The following NRXN3 variants were observed in gnomAD, a reference collection of about 807,000 sequenced individuals.
NRXN3 encodes neurexin III.
Under a neutral mutation model 137.6 loss-of-function variants are expected in NRXN3, and 32 were observed. The observed-to-expected ratio is 0.23, with a 90% CI of 0.18 to 0.31. NRXN3 has a LOEUF of 0.31. Among genes scored for constraint, NRXN3 ranks in the 10% least tolerant of loss-of-function variants. NRXN3 has a pLI of 1.00. For missense variants in NRXN3, 1,574 were observed against 2,062.5 expected, an observed-to-expected ratio of 0.76 and a Z score of 4.59; for synonymous variants, 798 against 784.5, an observed-to-expected ratio of 1.02 and a Z score of -0.29.
chr14:79,412,782 CAAAAAAAAAAAAA>C (rs71103803), intron 15 of NRXN3, among the ~76,000 whole-genome samples: 1 of 59,736 alleles, frequency 1.7e-5, no homozygotes, highest in Non-Finnish European at 3.0e-5. Context: ...GACTCTGTCT[CAAAAAAAAAAAAA>C]AAAAAAAAAA....
chr14:78,965,590 C>T (rs1279409281), intron 11 of NRXN3, among the ~76,000 whole-genome samples: 1 of 152,132 alleles, frequency 6.6e-6, no homozygotes, highest in African/African-American at 2.4e-5. Context: ...TAATAGAATC[C>T]TTCCCACGAG....
At chr14:78,801,502 C>T (rs2098838797) in intron 8 of NRXN3, among the ~76,000 whole-genome samples, 1 of 152,144 alleles carries the variant, frequency 6.6e-6, no homozygotes, top group Non-Finnish European at 1.5e-5. Context: ...AACTGTCAAA[C>T]ACTTACAAAA....
chr14:79,181,071 T>C (rs1295753267), intron 15 of NRXN3, among the ~76,000 whole-genome samples: 1 of 151,084 alleles, frequency 6.6e-6, no homozygotes, highest in East Asian at 2.0e-4. Context: ...TATATATATA[T>C]ATATATATAT....
chr14:79,276,601 A>G (rs2080312169), intron 15 of NRXN3, among the ~76,000 whole-genome samples: 1 of 151,976 alleles, frequency 6.6e-6, no homozygotes. Flanking sequence ...TGCATTAAGG[A>G]TTTATTTTCT....
intron 16 of NRXN3, among the ~76,000 whole-genome samples, chr14:79,639,186 T>C (rs2098420274): frequency 6.6e-6 from 1 of 152,156 alleles, no homozygotes; most frequent in South Asian, 2.1e-4. Flanking sequence ...AAGACAAAAT[T>C]TAAAGAGATA....
intron 15 of NRXN3, among the ~76,000 whole-genome samples, chr14:79,331,740 C>T (rs1473090030): frequency 6.6e-6 from 1 of 152,118 alleles, no homozygotes; most frequent in East Asian, 1.9e-4. Context: ...CTTTATCTCT[C>T]ATCCTGTCTG....
intron 15 of NRXN3, among the ~76,000 whole-genome samples, chr14:79,345,691 C>A (rs1598954071): frequency 6.6e-6 from 1 of 152,094 alleles, no homozygotes; most frequent in African/African-American, 2.4e-5. Context: ...CCACATGAGA[C>A]TTGGTTGTTT....
intron 19 of NRXN3, among the ~76,000 whole-genome samples, chr14:79,773,478 G>C (rs2099086053): frequency 6.6e-6 from 1 of 151,972 alleles, no homozygotes; most frequent in Non-Finnish European, 1.5e-5. Context: ...GTCCTTTGTA[G>C]GCACATGGAT....
intron 15 of NRXN3, among the ~76,000 whole-genome samples, chr14:79,366,734 C>T (rs914304464): frequency 2.0e-5 from 3 of 152,098 alleles, no homozygotes; most frequent in African/African-American, 7.2e-5. Context: ...GTTTTTATGT[C>T]ATTATTCTCA....
chr14:78,566,667 C>T (rs1260229809), intron 4 of NRXN3, among the ~76,000 whole-genome samples: 2 of 152,216 alleles, frequency 1.3e-5, no homozygotes. Context: ...TTCCTCCTCC[C>T]TCTGGTTTCT....
chr14:79,459,862 G>A (rs2096305824), intron 15 of NRXN3, among the ~76,000 whole-genome samples: 1 of 152,010 alleles, frequency 6.6e-6, no homozygotes, highest in Non-Finnish European at 1.5e-5. Context: ...TTAAGCAAGA[G>A]GGAATTTGAG....
At chr14:79,340,946 G>A (rs976358463) in intron 15 of NRXN3, among the ~76,000 whole-genome samples, 1 of 152,098 alleles carries the variant, frequency 6.6e-6, no homozygotes, top group Non-Finnish European at 1.5e-5. Context: ...ACATTTCAGA[G>A]TCATGTTATG....
chr14:79,103,103 C>T (rs1568296919), intron 15 of NRXN3, among the ~76,000 whole-genome samples: 2 of 152,136 alleles, frequency 1.3e-5, no homozygotes, highest in South Asian at 4.1e-4. Flanking sequence ...TCCCAAGCCC[C>T]TGTTCTTCTC....
chr14:79,091,748 A>G (rs1012444892), intron 15 of NRXN3, among the ~76,000 whole-genome samples: 1 of 152,136 alleles, frequency 6.6e-6, no homozygotes, highest in South Asian at 2.1e-4. Context: ...GCTTCTGCCC[A>G]TACTTTTGCA....
intron 15 of NRXN3, among the ~76,000 whole-genome samples, chr14:79,127,249 C>A (rs1278681398): frequency 6.6e-6 from 1 of 152,120 alleles, no homozygotes; most frequent in Admixed American, 6.5e-5. Context: ...AAGTCCTCAC[C>A]CATGCCTATG....
chr14:79,492,051 T>A (rs1226037644), intron 16 of NRXN3, among the ~76,000 whole-genome samples: 2 of 152,174 alleles, frequency 1.3e-5, no homozygotes, highest in African/African-American at 4.8e-5. Flanking sequence ...TTAGTGCACA[T>A]ACTGAACTAG....
rs563945449 is a variant in NRXN3 at position 78,885,650 on chromosome 14, A to G, written c.2276-71592A>G. Among the ~76,000 whole-genome samples the G allele has an allele frequency of 3.0e-4, 46 of 152,240 alleles. 1 individual carries two copies. In the South Asian group the frequency reaches 6.4e-3, roughly 21 times the overall value. On this transcript the variant is annotated intron_variant, in intron 10 of 20. Transcript: ENST00000335750. ...AGAATGTCTGAGCATTACTATGCTG[A>G]CTTTGTAAAATTGTAATCCAAAAGC...
chr14:78,712,996 C>A (rs994770025), intron 7 of NRXN3, among the ~76,000 whole-genome samples: 2 of 152,170 alleles, frequency 1.3e-5, no homozygotes, highest in Non-Finnish European at 2.9e-5. Flanking sequence ...GATGGCATGA[C>A]CCATTTATCT....
chr14:78,390,097 T>C (rs965558712), intron 4 of NRXN3, among the ~76,000 whole-genome samples: 3 of 152,202 alleles, frequency 2.0e-5, no homozygotes, highest in African/African-American at 7.2e-5. Context: ...TTTTAGTTAT[T>C]GTAGCTTTAC....
Sources: gnomAD v4.1 joint callset for allele counts (sites outside exome capture counted in the v4.1 genomes callset) on GRCh38, gnomAD v4.1.1 for gene constraint, MANE v1.5 for transcripts, NCBI Gene and HGNC (gene_info 2026-07-23, HGNC 2026-07-21) for gene names.